FRMD7: variants seen among roughly 807,000 people sequenced by gnomAD.
The protein encoded by FRMD7 is FERM domain containing 7, also known as FERM domain-containing protein 7.
A neutral mutation model predicts 44.1 loss-of-function variants in FRMD7; 14 were observed. That is an observed-to-expected ratio of 0.32 (90% CI 0.21 to 0.50). The LOEUF is 0.50. FRMD7 is among the 20% of genes least tolerant of loss of function. The probability of loss-of-function intolerance (pLI) is 0.99; values close to 1 mark genes in which losing one functional copy is unlikely to be tolerated. For missense variants in FRMD7, 501 were observed against 522.3 expected (o/e 0.96, Z 0.40); for synonymous variants, 212 against 187.4 (o/e 1.13, Z -1.07).
intron 4 of FRMD7, among the ~76,000 whole-genome samples, chrX:132,095,917 A>G (rs1388006171): frequency 4.4e-5 from 5 of 112,595 alleles, no homozygotes; most frequent in Non-Finnish European, 7.5e-5. Context: ...TTGTCATTTG[A>G]CACGTTCCTT....
At chrX:132,086,619 A>G (rs1011242144) in intron 5 of FRMD7, among the ~76,000 whole-genome samples, 1 of 109,316 alleles carries the variant, frequency 9.1e-6, no homozygotes, top group Non-Finnish European at 1.9e-5. Context: ...TGATAACACA[A>G]CAAGAAGGCA....
chrX:132,097,574 C>T (rs1278184398), intron 3 of FRMD7, among the ~76,000 whole-genome samples: 1 of 111,212 alleles, frequency 9.0e-6, no homozygotes, highest in Non-Finnish European at 1.9e-5. Flanking sequence ...TTCTCCCACC[C>T]CTCTTTCTAC....
chrX:132,079,131 T>C (rs1457348104), intron 11 of FRMD7, among the ~76,000 whole-genome samples, 165 bp from the exon 12 acceptor site: 2 of 112,374 alleles, frequency 1.8e-5, no homozygotes, highest in Non-Finnish European at 3.8e-5. Context: ...GAAAGGGTAA[T>C]AACTTCTACT....
intron 1 of FRMD7, among the ~76,000 whole-genome samples, chrX:132,120,607 G>T (rs1344866635): frequency 8.9e-6 from 1 of 112,609 alleles, no homozygotes; most frequent in African/African-American, 3.2e-5. Flanking sequence ...GGGATGGGAA[G>T]CCAAGGGGCA....
At chrX:132,117,310 C>T (rs772684595) in intron 1 of FRMD7, among the ~76,000 whole-genome samples, 2 of 111,438 alleles carry the variant, frequency 1.8e-5, no homozygotes, top group East Asian at 5.6e-4. Context: ...TGAGAAGAAC[C>T]CCCTCTTTTG....
intron 5 of FRMD7, among the ~76,000 whole-genome samples, chrX:132,093,596 T>C (rs982340113): frequency 3.5e-5 from 4 of 112,815 alleles, no homozygotes; most frequent in Non-Finnish European, 5.6e-5. Flanking sequence ...CCACCTGCTG[T>C]ACTCTGTGCT....
intron 1 of FRMD7, among the ~76,000 whole-genome samples, chrX:132,114,312 G>A (rs993161539): frequency 7.2e-5 from 8 of 111,474 alleles, no homozygotes; most frequent in Non-Finnish European, 1.5e-4. Context: ...GTTACTGTGG[G>A]GAATCTGCAT....
intron 7 of FRMD7, 138 bp from the exon 8 acceptor site, chrX:132,084,723 C>T: frequency 2.0e-6 from 1 of 494,401 alleles, no homozygotes; most frequent in Non-Finnish European, 3.7e-6. Flanking sequence ...TCCTGCTGCA[C>T]TGGGTAGGAG....
At chrX:132,079,104 G>T in intron 11 of FRMD7, 138 bp from the exon 12 acceptor site, 2 of 549,274 alleles carry the variant, frequency 3.6e-6, no homozygotes, top group Non-Finnish European at 6.3e-6. Flanking sequence ...CTATTCTAGG[G>T]TAGATAAATA....
chrX:132,105,413 C>T (rs1402768248), intron 1 of FRMD7, among the ~76,000 whole-genome samples: 1 of 111,835 alleles, frequency 8.9e-6, no homozygotes, highest in African/African-American at 3.2e-5. Context: ...TTCTCAGTAT[C>T]ATTAAAATGG....
At chrX:132,090,390 G>C (rs1378870053) in intron 5 of FRMD7, among the ~76,000 whole-genome samples, 2 of 111,495 alleles carry the variant, frequency 1.8e-5, no homozygotes, top group African/African-American at 6.5e-5. Flanking sequence ...GGAACAAACT[G>C]TTGCAGCTCA....
At position 132,078,058 on chromosome X, in the gene FRMD7, A is replaced by T. The variant is rs760433969; in HGVS notation, c.1959T>A (p.Ser653=). 2.5e-6 allele frequency: 3 copies of T among 1,211,507 alleles called. No homozygotes were observed. Among genetic ancestry groups the T allele is most frequent in the Non-Finnish European group, 3.4e-6 (3 of 895,218 alleles). The part of the protein sequence containing the change: ...ERYVASESSD[S]ESEILKPDYY... Reference sequence around the variant, plus strand: ...AGTCTGGTTTAAGAATCTCTGATTCAGAATCACTGGATTCACTAGCTACAT... The same window carrying T: ...AGTCTGGTTTAAGAATCTCTGATTCTGAATCACTGGATTCACTAGCTACAT... Residue 653 remains serine (S), a synonymous_variant, in exon 12 of 12, where the codon TCT becomes TCA. Transcript: ENST00000298542.
intron 3 of FRMD7, among the ~76,000 whole-genome samples, chrX:132,099,100 G>C: frequency 8.9e-6 from 1 of 111,849 alleles, no homozygotes; most frequent in African/African-American, 3.2e-5. Context: ...AGTGAATAAT[G>C]CTTGTGACAG....
intron 1 of FRMD7, among the ~76,000 whole-genome samples, chrX:132,103,864 G>A (rs1928576832): frequency 8.9e-6 from 1 of 112,312 alleles, no homozygotes; most frequent in Non-Finnish European, 1.9e-5. Flanking sequence ...TTGGAATTAA[G>A]TACAGTGCCT....
intron 1 of FRMD7, among the ~76,000 whole-genome samples, chrX:132,111,006 G>A (rs1928765152): frequency 9.0e-6 from 1 of 110,909 alleles, no homozygotes; most frequent in Non-Finnish European, 1.9e-5. Context: ...GCAACATACT[G>A]AGACCCTGTC....
At chrX:132,110,316 G>A (rs1467836161) in intron 1 of FRMD7, among the ~76,000 whole-genome samples, 1 of 110,862 alleles carries the variant, frequency 9.0e-6, no homozygotes, top group Non-Finnish European at 1.9e-5. Flanking sequence ...TCAGGTGAGA[G>A]AAGATGGTAG....
chrX:132,084,423 T>A, intron 8 of FRMD7, 67 bp downstream of exon 8: 5 of 656,688 alleles, frequency 7.6e-6, no homozygotes, highest in Non-Finnish European at 1.3e-5. Flanking sequence ...TTCAAACGAT[T>A]TGCAGAAACA....
intron 1 of FRMD7, among the ~76,000 whole-genome samples, chrX:132,105,851 G>T (rs191181039): frequency 9.0e-6 from 1 of 111,529 alleles, no homozygotes; most frequent in Admixed American, 9.5e-5. Flanking sequence ...TAATATACAA[G>T]AATTAACTCA....
At chrX:132,097,894 T>G (rs891969813) in intron 3 of FRMD7, among the ~76,000 whole-genome samples, 2 of 112,911 alleles carry the variant, frequency 1.8e-5, no homozygotes, top group Non-Finnish European at 3.7e-5. Context: ...ACATGCAGCA[T>G]TAACACCATT....
Sources: allele counts gnomAD v4.1 joint callset (sites outside exome capture counted in the v4.1 genomes callset), GRCh38; gene constraint gnomAD v4.1.1; transcripts MANE v1.5; gene names NCBI Gene and HGNC (gene_info 2026-07-23, HGNC 2026-07-21).